Variants in MTHFD1 observed in about 807,000 individuals in gnomAD.
MTHFD1 encodes C-1-tetrahydrofolate synthase, cytoplasmic.
Under a neutral mutation model 110.3 loss-of-function variants are expected in MTHFD1, and 44 were observed. The ratio of observed to expected loss-of-function variants is 0.40; its 90% CI spans 0.31 to 0.51. MTHFD1 has a LOEUF of 0.51. Ranked by LOEUF, MTHFD1 falls within the 20% of genes least tolerant of loss-of-function variation. MTHFD1 has a pLI of 0.60. For synonymous variants in MTHFD1, 402 were observed against 428.8 expected (o/e 0.94, Z 0.77); for missense variants, 909 against 1,173.1 (o/e 0.77, Z 3.29).
At chr14:64,425,709 C>G in intron 9 of MTHFD1, 21 bp from the exon 10 acceptor site, 1 of 1,596,342 alleles carries the variant, frequency 6.3e-7, no homozygotes, top group Non-Finnish European at 8.6e-7. Flanking sequence ...TTCTAAGTTT[C>G]ATTTATTTCA....
At chr14:64,441,662 C>T (rs910511791) in intron 19 of MTHFD1, 44 of 581,602 alleles carry the variant, frequency 7.6e-5, no homozygotes, top group African/African-American at 2.2e-4. Context: ...AAAAATTAGC[C>T]GGGCATGGTG....
In MTHFD1 at chr14:64,439,191, C is replaced by A; in HGVS notation, c.1674+19C>A. 2 of 1,599,932 alleles carry A rather than the reference C, an allele frequency of 1.3e-6. No individual in the cohort carries two copies. Among genetic ancestry groups the A allele is most frequent in the Non-Finnish European group, 1.7e-6 (2 of 1,167,364 alleles). On this transcript the variant is annotated intron_variant, in intron 17 of 27. Transcript: ENST00000652337. ...ACGGACGGTAACAATTTGTCCCTTTCCAAGGAAATTAGTTCAGAGGCACTA... is the reference window on the plus strand; with the variant it reads ...ACGGACGGTAACAATTTGTCCCTTTACAAGGAAATTAGTTCAGAGGCACTA...
chr14:64,431,878 C>A lies in MTHFD1; in HGVS notation c.1494+17C>A. On this transcript the variant is annotated intron_variant, in intron 15 of 27. Transcript: ENST00000652337. ...AGGTTAAAGGTAAGCTTTTTTTCTT[C>A]CACATTTTTTATATTGTATGGAATC... The A allele has an allele frequency of 1.2e-6, 2 of 1,608,102 alleles. No individual in the cohort carries two copies. The highest frequency in any genetic ancestry group is 1.7e-6 in the Non-Finnish European group (2 of 1,174,610).
chr14:64,398,027 C>T (rs934277096), intron 1 of MTHFD1, among the ~76,000 whole-genome samples: 5 of 152,026 alleles, frequency 3.3e-5, no homozygotes, highest in Non-Finnish European at 7.4e-5. Context: ...GGGTATTAGG[C>T]TATGCCCAGC....
At position 64,426,080 on chromosome 14, in the gene MTHFD1, G is replaced by C. The variant is rs778190800; in HGVS notation, c.1015G>C (p.Gly339Arg). 5 of 1,613,912 alleles carry C rather than the reference G, an allele frequency of 3.1e-6. No homozygotes were observed. The highest frequency in any genetic ancestry group is 4.2e-6 in the Non-Finnish European group (5 of 1,180,028). The change falls in exon 11 of 28, where the codon GGT (glycine) becomes CGT (arginine). Residue 339 changes from glycine to arginine, a missense_variant. Gly to Arg is a moderately radical substitution (Grantham distance 125). Around this residue, in one of 3 missense-constraint regions of MTHFD1, gnomAD observed 424 missense variants for 510.4 expected, o/e 0.83. Transcript: ENST00000652337. Reference protein sequence around the residue: ...KPIGKLAREIGLLSEEVELYG... With the variant: ...KPIGKLAREIRLLSEEVELYG... Reference sequence around the variant, plus strand: ...CATTGGTAAGCTGGCTCGAGAAATTGGTCTGCTGTCTGAAGAGGTAGAATT... The same window carrying C: ...CATTGGTAAGCTGGCTCGAGAAATTCGTCTGCTGTCTGAAGAGGTAGAATT...
intron 24 of MTHFD1, among the ~76,000 whole-genome samples, chr14:64,450,091 G>C (rs752679662): frequency 2.0e-5 from 3 of 152,142 alleles, no homozygotes; most frequent in Non-Finnish European, 4.4e-5. Flanking sequence ...CGTCCGCCCA[G>C]ACAGCCTTCT....
rs774562868 is a variant in MTHFD1, at chr14:64,435,688, C to T, written c.1597+17C>T. The T allele has an allele frequency of 2.7e-6, 4 of 1,500,260 alleles. No individual in the cohort carries two copies. Among genetic ancestry groups the T allele is most frequent in the South Asian group, 1.1e-5 (1 of 88,862 alleles). The allele number at this position is 1,500,260 out of a possible 1,614,324, so 92.9% of individuals were successfully genotyped here. Reference sequence around the variant, plus strand: ...GGCAAAGAGGTACCAGAGCAGTATACAAGCCCCGTTTGTTTTGGCTATATT... The same window carrying T: ...GGCAAAGAGGTACCAGAGCAGTATATAAGCCCCGTTTGTTTTGGCTATATT... On this transcript the variant is annotated intron_variant, in intron 16 of 27. Transcript: ENST00000652337.
chr14:64,451,120 G>T (rs1477054151), intron 24 of MTHFD1, among the ~76,000 whole-genome samples: 2 of 152,060 alleles, frequency 1.3e-5, no homozygotes, highest in Non-Finnish European at 2.9e-5. Context: ...AATGAGCTGA[G>T]ATCACTGCAC....
At chr14:64,453,639 TA>T in intron 24 of MTHFD1, 114 bp from the exon 25 acceptor site, 1 of 712,120 alleles carries the variant, frequency 1.4e-6, no homozygotes. Flanking sequence ...TATATGTATA[TA>T]AAAACCATCT....
chr14:64,431,251 A>C (rs2078157537), intron 13 of MTHFD1, among the ~76,000 whole-genome samples: 1 of 151,580 alleles, frequency 6.6e-6, no homozygotes, highest in South Asian at 2.1e-4. Flanking sequence ...TTTTTAGTAG[A>C]GATGGGGTTT....
intron 2 of MTHFD1, among the ~76,000 whole-genome samples, chr14:64,405,062 C>A (rs1317453478): frequency 6.6e-6 from 1 of 152,172 alleles, no homozygotes; most frequent in Non-Finnish European, 1.5e-5. Context: ...GCACAGAAGG[C>A]CTGTCACTCT....
intron 26 of MTHFD1, 76 bp from the exon 27 acceptor site, chr14:64,458,138 C>A: frequency 8.6e-7 from 1 of 1,157,852 alleles, no homozygotes. Flanking sequence ...TGATCCTCTC[C>A]ACCTCAGCCT....
chr14:64,414,493 T>C (rs1054270432), intron 4 of MTHFD1, among the ~76,000 whole-genome samples: 1 of 151,994 alleles, frequency 6.6e-6, no homozygotes, highest in Non-Finnish European at 1.5e-5. Flanking sequence ...GGTTTCACCA[T>C]GTTGGCCAGG....
chr14:64,399,977 G>T lies in MTHFD1; in HGVS notation c.42-816G>T, dbSNP rs942056106. The stretch of plus-strand genomic sequence containing the variant: ...CTTTGTAGAGATGGGGTCTCACTAT[G>T]TTGCCCAGGATAGTCTTAAACTCCT... On this transcript the variant is annotated intron_variant, in intron 1 of 27. Transcript: ENST00000652337. Among the ~76,000 whole-genome samples, 4 of 152,134 alleles carry T rather than the reference G, an allele frequency of 2.6e-5. No individual in the cohort carries two copies. In the East Asian group the frequency reaches 7.7e-4, roughly 29 times the overall value.
At chr14:64,453,660 T>C in intron 24 of MTHFD1, 94 bp from the exon 25 acceptor site, 1 of 758,986 alleles carries the variant, frequency 1.3e-6, no homozygotes, top group South Asian at 1.5e-5. Context: ...TTCTGCCCCT[T>C]TTAGGGACTC....
intron 15 of MTHFD1, among the ~76,000 whole-genome samples, chr14:64,435,261 G>A (rs1342029302): frequency 6.6e-6 from 1 of 152,022 alleles, no homozygotes; most frequent in African/African-American, 2.4e-5. Flanking sequence ...ACGCCTAGCT[G>A]AAGCTCTCCT....
At chr14:64,444,305 C>T (rs190061095) in intron 21 of MTHFD1, among the ~76,000 whole-genome samples, 11 of 152,014 alleles carry the variant, frequency 7.2e-5, no homozygotes, top group Admixed American at 4.6e-4. Context: ...CGGGCTCTAT[C>T]GACAGACATC....
At chr14:64,412,712 T>C (rs3825648) in intron 4 of MTHFD1, among the ~76,000 whole-genome samples, 187 bp downstream of exon 4, 123,768 of 149,048 alleles carry the variant, frequency 0.83, 51,556 homozygotes, top group Middle Eastern at 0.93. Flanking sequence ...ATCTCGACTC[T>C]CTGCAACCTC....
chr14:64,431,627 C>T lies in MTHFD1; in HGVS notation c.1407C>T (p.Thr469=). ...AIDARIFHEL[T]QTDKALFNRL... ...ATGCTCGGATATTTCATGAACTGAC[C>T]CAGACAGACAAGGTAGGATGCCAAA... Residue 469 remains threonine, a synonymous_variant, in exon 14 of 28, where the codon ACC becomes ACT. Coordinates refer to ENST00000652337, the MANE Select transcript of MTHFD1 (RefSeq NM_005956.4). 1 of 1,614,022 alleles carries T rather than the reference C, an allele frequency of 6.2e-7. No homozygotes were observed. The highest frequency in any genetic ancestry group is 1.1e-5 in the South Asian group (1 of 91,078).
Sources: gnomAD v4.1 joint callset for allele counts (sites outside exome capture counted in the v4.1 genomes callset) on GRCh38, gnomAD v4.1.1 for gene constraint, gnomAD v4.1.1 regional missense constraint, MANE v1.5 for transcripts, NCBI Gene and HGNC (gene_info 2026-07-23, HGNC 2026-07-21) for gene names.